Variants in TINAG observed in about 807,000 individuals in gnomAD.
TINAG encodes the protein tubulointerstitial nephritis antigen.
A neutral mutation model predicts 72.7 loss-of-function variants in TINAG; 83 were observed. The observed-to-expected ratio is 1.14, with a 90% CI of 0.96 to 1.37. TINAG has a LOEUF of 1.37. Among genes scored for constraint, TINAG ranks in the 40% most tolerant of loss-of-function variants. TINAG has a pLI of 0.00. For synonymous variants in TINAG, 234 were observed against 189.9 expected, an observed-to-expected ratio of 1.23 and a Z score of -1.91; for missense variants, 685 against 576.6, an observed-to-expected ratio of 1.19 and a Z score of -1.93.
At chr6:54,328,352 A>C (rs541595791) in intron 4 of TINAG, among the ~76,000 whole-genome samples, 1 of 152,140 alleles carries the variant, frequency 6.6e-6, no homozygotes, top group African/African-American at 2.4e-5. Flanking sequence ...CCTCTAGCAA[A>C]CTCCAGCAGA....
chr6:54,369,101 G>A (rs929255100), intron 9 of TINAG, among the ~76,000 whole-genome samples: 9 of 151,834 alleles, frequency 5.9e-5, no homozygotes, highest in Admixed American at 5.3e-4. Flanking sequence ...TAGAATTCAA[G>A]AGTTATTTCA....
intron 9 of TINAG, among the ~76,000 whole-genome samples, chr6:54,371,871 G>A (rs1249115567): frequency 1.3e-5 from 2 of 151,952 alleles, no homozygotes; most frequent in East Asian, 3.9e-4. Context: ...TGTTCAATTA[G>A]GGAAGGTGAT....
chr6:54,324,210 C>G (rs1784555132), intron 3 of TINAG, among the ~76,000 whole-genome samples: 1 of 152,174 alleles, frequency 6.6e-6, no homozygotes, highest in South Asian at 2.1e-4. Context: ...CTTTTCACAT[C>G]AGCAATTTGG....
intron 4 of TINAG, among the ~76,000 whole-genome samples, chr6:54,333,631 T>A (rs995258292): frequency 4.6e-4 from 69 of 151,448 alleles, no homozygotes; most frequent in Middle Eastern, 6.8e-3. Context: ...AAAAAAAAAA[T>A]AAAATAAAAT....
chr6:54,327,776 C>A (rs753923425), intron 4 of TINAG, among the ~76,000 whole-genome samples: 2 of 152,018 alleles, frequency 1.3e-5, no homozygotes, highest in Non-Finnish European at 2.9e-5. Flanking sequence ...GAGGGAGGGG[C>A]GTCGGCCATT....
intron 3 of TINAG, among the ~76,000 whole-genome samples, chr6:54,321,655 T>G (rs1363465157): frequency 3.3e-5 from 5 of 152,046 alleles, no homozygotes; most frequent in African/African-American, 1.2e-4. Flanking sequence ...GGAAAGCTAC[T>G]TTGGATAAGT....
At chr6:54,331,256 A>G (rs1468341978) in intron 4 of TINAG, among the ~76,000 whole-genome samples, 1 of 152,124 alleles carries the variant, frequency 6.6e-6, no homozygotes, top group African/African-American at 2.4e-5. Context: ...AAGCTTATCC[A>G]CCATGACGAA....
chr6:54,381,864 G>A (rs931635199), intron 10 of TINAG, among the ~76,000 whole-genome samples: 1 of 151,978 alleles, frequency 6.6e-6, no homozygotes, highest in Non-Finnish European at 1.5e-5. Context: ...ACTCACAACA[G>A]TTCTTAGCAT....
chr6:54,360,841 G>GTTTTTTTTGTTTTTTT (rs1763206058), intron 9 of TINAG, among the ~76,000 whole-genome samples: 1 of 26,242 alleles, frequency 3.8e-5, no homozygotes, highest in Non-Finnish European at 8.5e-5. Context: ...CAGATACTGT[G>GTTTTTTTTGTTTTTTT]TTTTTTTTTT....
chr6:54,310,740 T>G (rs1442114157), intron 1 of TINAG, among the ~76,000 whole-genome samples: 1 of 145,454 alleles, frequency 6.9e-6, no homozygotes, highest in Non-Finnish European at 1.5e-5. Flanking sequence ...TCTCTTTCTC[T>G]CCCTCTTCTC....
intron 4 of TINAG, among the ~76,000 whole-genome samples, chr6:54,331,651 A>G (rs1368799332): frequency 6.6e-6 from 1 of 152,212 alleles, no homozygotes. Context: ...TTCATAAAGG[A>G]AGAGAGGAAG....
chr6:54,360,841 GTTTTTTTTTTTTTTT>G lies in TINAG; in HGVS notation c.1250+6222_1250+6236del, dbSNP rs70983415. 2.1e-3 allele frequency among the ~76,000 whole-genome samples: 56 copies of G among 26,252 alleles called. 1 individual carries two copies. The East Asian group carries it at 0.026, about 12-fold the overall frequency. 17.2% of individuals were successfully genotyped at this position (26,252 alleles called of 152,430 possible). A position where few individuals can be genotyped will look rare whatever the true frequency, so the allele number is the denominator to read the frequency against. On this transcript the variant is annotated intron_variant, in intron 9 of 10. Coordinates refer to ENST00000259782, the MANE Select transcript of TINAG (RefSeq NM_014464.4). ...GTTTCTTGTGTTTCACAGATACTGT[GTTTTTTTTTTTTTTT>G]TTTTTTTTTTTTTTTTCAAATTGAA...
chr6:54,337,877 T>C (rs1205826279), intron 4 of TINAG, among the ~76,000 whole-genome samples: 1 of 152,174 alleles, frequency 6.6e-6, no homozygotes, highest in Admixed American at 6.6e-5. Context: ...ACTGTGTTTG[T>C]ATATGTTTCC....
intron 9 of TINAG, among the ~76,000 whole-genome samples, chr6:54,362,206 C>G (rs1463154848): frequency 6.6e-6 from 1 of 151,678 alleles, no homozygotes; most frequent in Non-Finnish European, 1.5e-5. Context: ...CCATCCAGGA[C>G]TTTTATAGCT....
intron 9 of TINAG, among the ~76,000 whole-genome samples, chr6:54,377,514 A>AAATG (rs1562184126): frequency 1.1e-5 from 1 of 89,912 alleles, no homozygotes; most frequent in Admixed American, 9.8e-5. Flanking sequence ...TCGGTCTCAG[A>AAATG]AATAAATAAA....
At chr6:54,373,701 T>TG in intron 9 of TINAG, among the ~76,000 whole-genome samples, 1 of 152,096 alleles carries the variant, frequency 6.6e-6, no homozygotes, top group Non-Finnish European at 1.5e-5. Flanking sequence ...TCCATAAAAT[T>TG]TTATTAACAA....
intron 9 of TINAG, among the ~76,000 whole-genome samples, chr6:54,366,711 G>A (rs1763433357): frequency 1.3e-5 from 2 of 151,594 alleles, no homozygotes; most frequent in Admixed American, 6.6e-5. Context: ...CATTATCTAG[G>A]AAGGCACATA....
intron 1 of TINAG, among the ~76,000 whole-genome samples, chr6:54,315,719 A>T (rs1784357983): frequency 6.6e-6 from 1 of 151,934 alleles, no homozygotes; most frequent in Admixed American, 6.6e-5. Flanking sequence ...TCAGATATGG[A>T]GAACCAGTGA....
chr6:54,324,021 T>C (rs1403051999), intron 3 of TINAG, among the ~76,000 whole-genome samples: 1 of 152,152 alleles, frequency 6.6e-6, no homozygotes, highest in Non-Finnish European at 1.5e-5. Flanking sequence ...GAGCCAACAC[T>C]ATCATATCTT....
Sources: gnomAD v4.1 joint callset for allele counts (sites outside exome capture counted in the v4.1 genomes callset) on GRCh38, gnomAD v4.1.1 for gene constraint, MANE v1.5 for transcripts, NCBI Gene and HGNC (gene_info 2026-07-23, HGNC 2026-07-21) for gene names.